NR3C2: variants seen among roughly 807,000 people sequenced by gnomAD.
The protein encoded by NR3C2 is mineralocorticoid receptor.
In NR3C2, 15 loss-of-function variants were observed where a neutral mutation model predicts 86.4. The ratio of observed to expected loss-of-function variants is 0.17; its 90% confidence interval spans 0.12 to 0.27. The LOEUF is 0.27. Ranked by LOEUF, NR3C2 falls within the 10% of genes least tolerant of loss-of-function variation. The pLI is 1.00. For missense variants in NR3C2, 960 were observed against 1,195.6 expected, an observed-to-expected ratio of 0.80 and a Z score of 2.91; for synonymous variants, 458 against 450.5, an observed-to-expected ratio of 1.02 and a Z score of -0.21.
At chr4:148,324,354 TGTG>T (rs1337821146) in intron 2 of NR3C2, among the ~76,000 whole-genome samples, 6 of 95,152 alleles carry the variant, frequency 6.3e-5, no homozygotes, top group African/African-American at 3.5e-4. Context: ...TGTGTGTGTG[TGTG>T]TGTGTGTGTT....
At chr4:148,252,550 T>G (rs1027310022) in intron 3 of NR3C2, among the ~76,000 whole-genome samples, 1 of 152,178 alleles carries the variant, frequency 6.6e-6, no homozygotes, top group East Asian at 1.9e-4. Flanking sequence ...TTTTTAAATC[T>G]TAGGATACAA....
At chr4:148,343,974 T>G (rs892169984) in intron 2 of NR3C2, among the ~76,000 whole-genome samples, 1 of 152,170 alleles carries the variant, frequency 6.6e-6, no homozygotes, top group Non-Finnish European at 1.5e-5. Context: ...GCAGGACTAA[T>G]GTTGGTGACA....
intron 2 of NR3C2, among the ~76,000 whole-genome samples, chr4:148,396,148 A>C (rs1312160095): frequency 6.6e-6 from 1 of 152,238 alleles, no homozygotes. Flanking sequence ...AATAGTCTTG[A>C]ATTTTAAGCA....
intron 8 of NR3C2, among the ~76,000 whole-genome samples, chr4:148,101,704 G>C (rs1420414874): frequency 1.3e-5 from 2 of 152,168 alleles, no homozygotes; most frequent in African/African-American, 4.8e-5. Context: ...GGCTTGTTAA[G>C]CTGATGGGAT....
At position 148,286,304 on chromosome 4, in the gene NR3C2, C is replaced by A. The variant is rs560858894; in HGVS notation, c.1758-26187G>T. Among the ~76,000 whole-genome samples the A allele has an allele frequency of 7.1e-4, 108 of 152,158 alleles. 1 individual carries two copies. Among genetic ancestry groups the A allele is most frequent in the African/African-American group, 2.5e-3 (104 of 41,538 alleles). Reference sequence around the variant, plus strand: ...TTAGCTTTAAGCCAGTCTCTGCTGTCTTTTGTAGGACTTTATTTAATTGCT... The same window carrying A: ...TTAGCTTTAAGCCAGTCTCTGCTGTATTTTGTAGGACTTTATTTAATTGCT... On this transcript the variant is annotated intron_variant, in intron 2 of 8. Coordinates refer to ENST00000358102, the MANE Select transcript of NR3C2 (RefSeq NM_000901.5).
At chr4:148,373,255 A>C (rs1746506782) in intron 2 of NR3C2, among the ~76,000 whole-genome samples, 1 of 152,072 alleles carries the variant, frequency 6.6e-6, no homozygotes, top group African/African-American at 2.4e-5. Context: ...CCAATTGTTT[A>C]AGCCTTGCTC....
At chr4:148,440,201 C>A (rs1750268157) in intron 1 of NR3C2, among the ~76,000 whole-genome samples, 1 of 152,132 alleles carries the variant, frequency 6.6e-6, no homozygotes, top group Non-Finnish European at 1.5e-5. Context: ...TTTTTAAGAT[C>A]AGATATTTTT....
intron 2 of NR3C2, among the ~76,000 whole-genome samples, chr4:148,286,315 CTTTAT>C (rs143913573): frequency 0.012 from 1,793 of 152,196 alleles, 21 homozygotes; most frequent in Non-Finnish European, 0.018. Flanking sequence ...TTTTGTAGGA[CTTTAT>C]TTAATTGCTT....
intron 8 of NR3C2, among the ~76,000 whole-genome samples, chr4:148,108,850 G>A (rs1016164455): frequency 2.0e-5 from 3 of 152,198 alleles, no homozygotes; most frequent in Admixed American, 6.5e-5. Context: ...CTGCCTTCAA[G>A]ATGTAACCCT....
At chr4:148,294,662 A>G (rs1453010572) in intron 2 of NR3C2, among the ~76,000 whole-genome samples, 1 of 120,040 alleles carries the variant, frequency 8.3e-6, no homozygotes, top group African/African-American at 3.2e-5. Flanking sequence ...ATTCCTTCTA[A>G]AAGTCCTCAT....
intron 8 of NR3C2, among the ~76,000 whole-genome samples, chr4:148,087,257 A>C (rs538223547): frequency 1.3e-5 from 2 of 152,338 alleles, no homozygotes; most frequent in South Asian, 4.1e-4. Flanking sequence ...GAGATGACAC[A>C]AGTGGAAAAG....
chr4:148,404,136 A>G (rs1748299394), intron 2 of NR3C2, among the ~76,000 whole-genome samples: 1 of 152,112 alleles, frequency 6.6e-6, no homozygotes, highest in African/African-American at 2.4e-5. Context: ...CTATTTTGTA[A>G]AGTAAAAATT....
chr4:148,246,202 G>A (rs1739306438), intron 3 of NR3C2, among the ~76,000 whole-genome samples: 1 of 152,176 alleles, frequency 6.6e-6, no homozygotes, highest in African/African-American at 2.4e-5. Context: ...TAGAATGACT[G>A]CATTTCAGGT....
chr4:148,199,781 A>C (rs564335733), intron 3 of NR3C2, among the ~76,000 whole-genome samples: 1 of 152,356 alleles, frequency 6.6e-6, no homozygotes, highest in South Asian at 2.1e-4. Context: ...CATTTCTTCC[A>C]AGACCTTATA....
At chr4:148,325,120 GA>G (rs1743890157) in intron 2 of NR3C2, among the ~76,000 whole-genome samples, 2 of 142,808 alleles carry the variant, frequency 1.4e-5, no homozygotes, top group South Asian at 2.2e-4. Flanking sequence ...CAGAGAGAGA[GA>G]GAGGGAGAGA....
intron 2 of NR3C2, among the ~76,000 whole-genome samples, chr4:148,336,713 C>G (rs568357195): frequency 6.6e-6 from 1 of 152,174 alleles, no homozygotes; most frequent in South Asian, 2.1e-4. Flanking sequence ...CTTACATAGC[C>G]TAGTTTGTGG....
intron 2 of NR3C2, among the ~76,000 whole-genome samples, chr4:148,366,481 C>CTTAAAAAAGAATACTTTTTAACA (rs1561066895): frequency 1.3e-4 from 2 of 14,878 alleles, no homozygotes; most frequent in African/African-American, 2.6e-4. Context: ...AAAAAGTACT[C>CTTAAAAAAGAATACTTTTTAACA]AGCACTTTTA....
At chr4:148,267,941 T>G (rs1216509326) in intron 2 of NR3C2, among the ~76,000 whole-genome samples, 5 of 32,928 alleles carry the variant, frequency 1.5e-4, no homozygotes, top group Non-Finnish European at 3.3e-4. Context: ...GTCACAGTGT[T>G]TTTTTTTTTT....
intron 3 of NR3C2, among the ~76,000 whole-genome samples, chr4:148,222,279 G>T (rs1031160540): frequency 1.3e-5 from 2 of 151,950 alleles, no homozygotes; most frequent in African/African-American, 4.8e-5. Context: ...GCAATTATGC[G>T]GAATGAAGAC....
Sources: gnomAD v4.1 joint callset for allele counts (sites outside exome capture counted in the v4.1 genomes callset) on GRCh38, gnomAD v4.1.1 for gene constraint, MANE v1.5 for transcripts, NCBI Gene and HGNC (gene_info 2026-07-23, HGNC 2026-07-21) for gene names.